DPYD: variants seen among roughly 807,000 people sequenced by gnomAD.
DPYD encodes dihydropyrimidine dehydrogenase.
DPYD carries 109 observed loss-of-function variants against 116.2 expected under a neutral mutation model. The observed-to-expected ratio is 0.94, with a 90% CI of 0.80 to 1.10. The LOEUF (loss-of-function observed/expected upper bound fraction) is 1.10, where lower values mean the gene tolerates loss of function less well. Ranked by LOEUF, DPYD falls within the 50% of genes least tolerant of loss-of-function variation. The pLI is 0.00. For missense variants in DPYD, 1,302 were observed against 1,254.5 expected (o/e 1.04, Z -0.57); for synonymous variants, 440 against 432.0 (o/e 1.02, Z -0.23).
intron 20 of DPYD, among the ~76,000 whole-genome samples, chr1:97,104,591 C>T (rs1650999404): frequency 6.6e-6 from 1 of 151,996 alleles, no homozygotes; most frequent in Admixed American, 6.6e-5. Context: ...GAGGTGTCAT[C>T]CGAGCTAAAC....
At chr1:97,412,485 A>C (rs532380475) in intron 14 of DPYD, among the ~76,000 whole-genome samples, 28 of 152,218 alleles carry the variant, frequency 1.8e-4, no homozygotes, top group Non-Finnish European at 3.4e-4. Context: ...TCCTTTCAAA[A>C]TGAAGTAACT....
chr1:97,229,163 C>T (rs1479386681), intron 19 of DPYD, among the ~76,000 whole-genome samples: 1 of 131,120 alleles, frequency 7.6e-6, no homozygotes, highest in Non-Finnish European at 1.5e-5. Context: ...GAGATTGCGT[C>T]ACTGCACTCC....
chr1:97,432,241 T>A (rs1570724861), intron 14 of DPYD, among the ~76,000 whole-genome samples: 2 of 152,104 alleles, frequency 1.3e-5, no homozygotes, highest in Admixed American at 1.3e-4. Flanking sequence ...TGCTGGGTCA[T>A]ACGGTAGTTC....
At chr1:97,686,616 G>A (rs1284896361) in intron 7 of DPYD, among the ~76,000 whole-genome samples, 1 of 106,510 alleles carries the variant, frequency 9.4e-6, no homozygotes, top group Non-Finnish European at 1.7e-5. Flanking sequence ...CAGCCTGGGC[G>A]ACAGAGCGAG....
intron 20 of DPYD, among the ~76,000 whole-genome samples, chr1:97,141,341 C>T (rs1240798071): frequency 6.6e-6 from 1 of 152,048 alleles, no homozygotes; most frequent in Non-Finnish European, 1.5e-5. Flanking sequence ...TACTTACCTC[C>T]CTGACTTTGT....
chr1:97,823,957 T>C (rs935127956), intron 3 of DPYD, among the ~76,000 whole-genome samples: 4 of 150,632 alleles, frequency 2.7e-5, no homozygotes, highest in Middle Eastern at 3.2e-3. Flanking sequence ...TACTGGGTGA[T>C]TGAACATGTC....
At chr1:97,773,065 A>G (rs918387965) in intron 3 of DPYD, among the ~76,000 whole-genome samples, 17 of 152,178 alleles carry the variant, frequency 1.1e-4, no homozygotes, top group Admixed American at 1.0e-3. Context: ...TCAGAGCCCT[A>G]TGGAAGAAGT....
intron 15 of DPYD, among the ~76,000 whole-genome samples, chr1:97,375,851 C>T (rs1358729586): frequency 6.6e-6 from 1 of 152,160 alleles, no homozygotes; most frequent in East Asian, 1.9e-4. Flanking sequence ...GTAGACTTCT[C>T]TATTTAACTG....
chr1:97,398,072 A>C (rs1295893698), intron 14 of DPYD, among the ~76,000 whole-genome samples: 1 of 151,942 alleles, frequency 6.6e-6, no homozygotes, highest in East Asian at 1.9e-4. Context: ...CATTAGGTAT[A>C]TCTCCTAATG....
intron 13 of DPYD, among the ~76,000 whole-genome samples, chr1:97,466,776 A>C (rs981536065): frequency 2.2e-4 from 33 of 152,226 alleles, no homozygotes; most frequent in Non-Finnish European, 4.4e-4. Context: ...CCAGGCATCC[A>C]GTACTAAACC....
chr1:97,274,384 TTG>T (rs1664790444), intron 18 of DPYD, among the ~76,000 whole-genome samples: 1 of 152,274 alleles, frequency 6.6e-6, no homozygotes, highest in South Asian at 2.1e-4. Flanking sequence ...GGCATCTCTC[TTG>T]TGCCCTCTCT....
In DPYD at chr1:97,142,913, C is replaced by A. The variant is rs563036930; in HGVS notation, c.2623-44281G>T. 8.6e-5 allele frequency among the ~76,000 whole-genome samples: 13 copies of A among 151,978 alleles called. No individual in the cohort carries two copies. In the South Asian group the frequency reaches 2.7e-3, roughly 32 times the overall value. ...GAAAACTTTCAAAAGCTATTGCTTT[C>A]ATTTTTAGTTTTTCTCAGTATAAAA... On this transcript the variant is annotated intron_variant, in intron 20 of 22. Coordinates refer to ENST00000370192, the MANE Select transcript of DPYD (RefSeq NM_000110.4).
intron 3 of DPYD, among the ~76,000 whole-genome samples, chr1:97,757,065 TATCCCCAA>T (rs1665290422): frequency 6.6e-6 from 1 of 152,204 alleles, no homozygotes; most frequent in South Asian, 2.1e-4. Context: ...AAGCTAACTG[TATCCCCAA>T]ATATCCTGAT....
At chr1:97,171,093 G>A (rs1175533574) in intron 20 of DPYD, among the ~76,000 whole-genome samples, 2 of 152,180 alleles carry the variant, frequency 1.3e-5, no homozygotes, top group Non-Finnish European at 2.9e-5. Flanking sequence ...AGTTGGATTT[G>A]TTGTAGAAAA....
intron 15 of DPYD, among the ~76,000 whole-genome samples, chr1:97,380,066 T>C (rs1047720693): frequency 1.3e-5 from 2 of 152,184 alleles, no homozygotes; most frequent in African/African-American, 2.4e-5. Context: ...TCACATTAAC[T>C]TTTACTCGGG....
At chr1:97,224,464 C>T (rs891444665) in intron 19 of DPYD, among the ~76,000 whole-genome samples, 1 of 151,834 alleles carries the variant, frequency 6.6e-6, no homozygotes, top group African/African-American at 2.4e-5. Flanking sequence ...TACAGTCAAG[C>T]CAATTAACAC....
chr1:97,328,795 T>C (rs1668836797), intron 16 of DPYD, among the ~76,000 whole-genome samples: 1 of 152,172 alleles, frequency 6.6e-6, no homozygotes, highest in Non-Finnish European at 1.5e-5. Flanking sequence ...TTGTTAATCA[T>C]TTCAGAGTTA....
intron 18 of DPYD, among the ~76,000 whole-genome samples, chr1:97,290,776 G>A (rs577299092): frequency 3.9e-5 from 6 of 152,086 alleles, no homozygotes; most frequent in Non-Finnish European, 5.9e-5. Flanking sequence ...ATAGGCATGG[G>A]CAAGGACTTC....
chr1:97,444,540 T>G (rs989853093), intron 14 of DPYD, among the ~76,000 whole-genome samples: 1 of 152,210 alleles, frequency 6.6e-6, no homozygotes, highest in Non-Finnish European at 1.5e-5. Context: ...ACACTGGCTG[T>G]GTATGTAGTA....
Sources: gnomAD v4.1 joint callset for allele counts (sites outside exome capture counted in the v4.1 genomes callset) on GRCh38, gnomAD v4.1.1 for gene constraint, MANE v1.5 for transcripts, NCBI Gene and HGNC (gene_info 2026-07-23, HGNC 2026-07-21) for gene names.